Variants in GUCY1B1 observed in about 807,000 individuals in gnomAD.
GUCY1B1 encodes the protein guanylate cyclase soluble subunit beta-1.
Under a neutral mutation model 71.0 loss-of-function variants are expected in GUCY1B1, and 43 were observed. That is an observed-to-expected ratio of 0.61 (90% confidence interval 0.47 to 0.78). The LOEUF (loss-of-function observed/expected upper bound fraction) is 0.78. GUCY1B1 is among the 30% of genes least tolerant of loss of function. The pLI, the probability that GUCY1B1 is intolerant of heterozygous loss-of-function variation, is 0.00. For synonymous variants in GUCY1B1, 266 were observed against 259.7 expected (o/e 1.02, Z -0.23); for missense variants, 535 against 754.1 (o/e 0.71, Z 3.40).
chr4:155,764,948 G>A (rs951886058), intron 2 of GUCY1B1, among the ~76,000 whole-genome samples: 2 of 151,952 alleles, frequency 1.3e-5, no homozygotes, highest in Admixed American at 6.6e-5. Context: ...TTTTATTTTG[G>A]TTCTGATGAT....
At chr4:155,764,749 T>G (rs987575557) in intron 2 of GUCY1B1, among the ~76,000 whole-genome samples, 2 of 152,176 alleles carry the variant, frequency 1.3e-5, no homozygotes, top group African/African-American at 4.8e-5. Context: ...AGCTTACTAA[T>G]GTTTGAAGTT....
At chr4:155,801,164 C>T (rs1245417002) in intron 9 of GUCY1B1, among the ~76,000 whole-genome samples, 1 of 152,146 alleles carries the variant, frequency 6.6e-6, no homozygotes, top group Non-Finnish European at 1.5e-5. Context: ...CTGGGAGTTG[C>T]TGGGAGTTAA....
chr4:155,794,464 G>A (rs535045306), intron 6 of GUCY1B1, among the ~76,000 whole-genome samples: 21 of 152,068 alleles, frequency 1.4e-4, no homozygotes, highest in Non-Finnish European at 2.4e-4. Flanking sequence ...ACTATTGATG[G>A]TGTTAAGGGA....
At chr4:155,773,656 G>C (rs1166287453) in intron 2 of GUCY1B1, among the ~76,000 whole-genome samples, 1 of 152,106 alleles carries the variant, frequency 6.6e-6, no homozygotes, top group Non-Finnish European at 1.5e-5. Context: ...TAGTTGCTTA[G>C]ACCAAAAACC....
rs368796331 is a variant in GUCY1B1 at position 155,795,493 on chromosome 4, G to A, written c.843+36G>A. The A allele has an allele frequency of 8.1e-5, 81 of 1,005,484 alleles. 3 individuals carry two copies. The highest frequency in any genetic ancestry group is 4.8e-5 in the African/African-American group (3 of 62,512). 62.3% of individuals were successfully genotyped at this position (1,005,484 alleles called of 1,614,324 possible). A position where few individuals can be genotyped will look rare whatever the true frequency, so the allele number is the denominator to read the frequency against. ...TATTATTTCATTAAATGTGAGAAAG[G>A]TATGTCACAAATTAGAAGTATTCAG... On this transcript the variant is annotated intron_variant, in intron 7 of 13. Coordinates refer to ENST00000264424, the MANE Select transcript of GUCY1B1 (RefSeq NM_000857.5).
intron 4 of GUCY1B1, among the ~76,000 whole-genome samples, chr4:155,778,399 G>GTTGCCT (rs1033886110): frequency 6.6e-6 from 1 of 152,170 alleles, no homozygotes; most frequent in Admixed American, 6.5e-5. Flanking sequence ...AAATTATATA[G>GTTGCCT]TTGTTTGCAA....
At chr4:155,764,099 A>C (rs929479072) in intron 2 of GUCY1B1, among the ~76,000 whole-genome samples, 2 of 152,132 alleles carry the variant, frequency 1.3e-5, no homozygotes, top group African/African-American at 4.8e-5. Context: ...CTTAATATCC[A>C]TTGTATCAAA....
At chr4:155,804,415 G>A (rs761937403) in intron 11 of GUCY1B1, among the ~76,000 whole-genome samples, 178 bp from the exon 12 acceptor site, 12 of 151,902 alleles carry the variant, frequency 7.9e-5, no homozygotes, top group Admixed American at 4.6e-4. Flanking sequence ...TAATACGTGC[G>A]GGGCTTAAAA....
chr4:155,796,573 C>A, intron 8 of GUCY1B1, 63 bp downstream of exon 8: 4 of 1,094,632 alleles, frequency 3.7e-6, no homozygotes, highest in Non-Finnish European at 5.3e-6. Context: ...CAAAGGAATG[C>A]CACAATATTT....
chr4:155,766,582 T>G (rs1387807059), intron 2 of GUCY1B1, among the ~76,000 whole-genome samples: 1 of 151,998 alleles, frequency 6.6e-6, no homozygotes, highest in Non-Finnish European at 1.5e-5. Flanking sequence ...AGGCAGAAGA[T>G]AGAGCAATAT....
chr4:155,768,638 A>G (rs35385913), intron 2 of GUCY1B1, among the ~76,000 whole-genome samples: 2,405 of 152,240 alleles, frequency 0.016, 37 homozygotes, highest in South Asian at 0.051. Flanking sequence ...AAAAAATCCC[A>G]ACTTACCAAA....
chr4:155,768,456 G>GTTTTTTT (rs35462860), intron 2 of GUCY1B1, among the ~76,000 whole-genome samples: 1 of 128,612 alleles, frequency 7.8e-6, no homozygotes, highest in Non-Finnish European at 1.7e-5. Context: ...TTACTTGTTT[G>GTTTTTTT]TTTTTTTTTT....
intron 2 of GUCY1B1, 123 bp downstream of exon 2, chr4:155,759,983 G>A: frequency 1.6e-6 from 1 of 644,810 alleles, no homozygotes; most frequent in Non-Finnish European, 2.7e-6. Flanking sequence ...AGGTGCCTCC[G>A]CGCCTCGCTC....
Position 155,804,662 on chromosome 4 carries a change from C to A in GUCY1B1, c.1624C>A (p.Leu542Ile). ...AGGACAGCGGATGCCTCGATACTGT[C>A]TTTTTGGGAATACTGTCAACCTCAC... ...VIGQRMPRYC[L>I]FGNTVNLTSR... The change falls in exon 12 of 14, where the codon CTT (leucine) becomes ATT (isoleucine). Residue 542 changes from leucine to isoleucine, a missense_variant. Physicochemically the swap from Leu to Ile is conservative, Grantham distance 5. Coordinates refer to ENST00000264424, the MANE Select transcript of GUCY1B1 (RefSeq NM_000857.5). 6.2e-7 allele frequency: 1 copy of A among 1,612,740 alleles called. No individual in the cohort carries two copies. Among genetic ancestry groups the A allele is most frequent in the East Asian group, 2.2e-5 (1 of 44,854 alleles).
At chr4:155,773,768 T>C (rs1240159223) in intron 2 of GUCY1B1, among the ~76,000 whole-genome samples, 1 of 152,150 alleles carries the variant, frequency 6.6e-6, no homozygotes, top group Non-Finnish European at 1.5e-5. Context: ...GAGGCATTTC[T>C]TACCTGCTCC....
chr4:155,803,629 G>A lies in GUCY1B1; in HGVS notation c.1419G>A (p.Glu473=), dbSNP rs1740107270. 4 of 1,581,772 alleles carry A rather than the reference G, an allele frequency of 2.5e-6. No individual in the cohort carries two copies. The East Asian group carries it at 9.3e-5, about 37-fold the overall frequency. Residue 473 remains glutamate (E), a synonymous_variant, in exon 11 of 14, where the codon GAG becomes GAA. Coordinates refer to ENST00000264424, the MANE Select transcript of GUCY1B1 (RefSeq NM_000857.5). ...CTAAATATATGTACTGTTAGGTGGA[G>A]ACTGTTGGTGACAAGTATATGACAG... ...SRKNPFVYKV[E]TVGDKYMTVS...
In GUCY1B1 at chr4:155,759,407, C is replaced by T. The variant is rs1736794932; in HGVS notation, c.3+264C>T. The T allele has an allele frequency of 1.0e-4, 55 of 542,334 alleles. No homozygotes were observed. The South Asian group carries it at 1.3e-3, about 13-fold the overall frequency. The allele number at this position is 542,334 out of a possible 1,614,324, so 33.6% of individuals were successfully genotyped here. ...TTCCTGAGCTCGGGAAGGGGAGGTG[C>T]GGCGGAGGCGTGGGGTCTTCCCGGC... On this transcript the variant is annotated intron_variant, in intron 1 of 13. Coordinates refer to ENST00000264424, the MANE Select transcript of GUCY1B1 (RefSeq NM_000857.5).
chr4:155,793,871 A>G lies in GUCY1B1; in HGVS notation c.511A>G (p.Asn171Asp). 1 of 1,489,296 alleles carries G rather than the reference A, an allele frequency of 6.7e-7. No homozygotes were observed. Among genetic ancestry groups the G allele is most frequent in the African/African-American group, 1.4e-5 (1 of 72,660 alleles). 92.3% of individuals were successfully genotyped at this position (1,489,296 alleles called of 1,614,324 possible). A position where few individuals can be genotyped will look rare whatever the true frequency, so the allele number is the denominator to read the frequency against. ...TGATATCCAGGTTATTCAGCAAAGAAATGAAGAATGTGATCATACTCAATT... is the reference window on the plus strand; with the variant it reads ...TGATATCCAGGTTATTCAGCAAAGAGATGAAGAATGTGATCATACTCAATT... ...EIDMKVIQQR[N>D]EECDHTQFLI... The change falls in exon 6 of 14, where the codon AAT becomes GAT. Residue 171 changes from asparagine (N) to aspartate (D), a missense_variant. Asn to Asp is a conservative substitution (Grantham distance 23, BLOSUM62 1). Coordinates refer to ENST00000264424, the MANE Select transcript of GUCY1B1 (RefSeq NM_000857.5).
chr4:155,777,902 G>C (rs6843197), intron 4 of GUCY1B1, among the ~76,000 whole-genome samples: 1 of 152,128 alleles, frequency 6.6e-6, no homozygotes, highest in East Asian at 1.9e-4. Context: ...AGAACTCCAG[G>C]TGGTCTTTTG....
Sources: allele counts gnomAD v4.1 joint callset (sites outside exome capture counted in the v4.1 genomes callset), GRCh38; gene constraint gnomAD v4.1.1; transcripts MANE v1.5; gene names NCBI Gene and HGNC (gene_info 2026-07-23, HGNC 2026-07-21).